The following PSMA5 variants were observed in gnomAD, a reference collection of about 807,000 sequenced individuals.
The protein encoded by PSMA5 is proteasome subunit alpha type-5.
PSMA5 carries 3 observed loss-of-function variants against 34.5 expected under a neutral mutation model. The observed-to-expected ratio is 0.09, with a 90% CI of 0.04 to 0.22. The LOEUF is 0.22. PSMA5 is among the 10% of genes least tolerant of loss of function. The pLI is 1.00. For synonymous variants in PSMA5, 88 were observed against 95.8 expected (o/e 0.92, Z 0.47); for missense variants, 120 against 286.1 (o/e 0.42, Z 4.19).
chr1:109,408,694 G>T, intron 8 of PSMA5, among the ~76,000 whole-genome samples: 1 of 150,030 alleles, frequency 6.7e-6, no homozygotes, highest in Non-Finnish European at 1.5e-5. Context: ...ATTTCTTTCA[G>T]CTTTTTTTTT....
chr1:109,418,638 A>G (rs1285988270), intron 2 of PSMA5, among the ~76,000 whole-genome samples: 1 of 152,022 alleles, frequency 6.6e-6, no homozygotes, highest in African/African-American at 2.4e-5. Flanking sequence ...TTTTCTAGAC[A>G]CGGGCTATGT....
chr1:109,407,176 A>G (rs1653801623), intron 8 of PSMA5, among the ~76,000 whole-genome samples: 1 of 152,056 alleles, frequency 6.6e-6, no homozygotes, highest in South Asian at 2.1e-4. Context: ...TTTAGTAGAG[A>G]AGGGGTTTCA....
intron 1 of PSMA5, 101 bp from the exon 2 acceptor site, chr1:109,422,027 C>T (rs770465951): frequency 4.0e-5 from 26 of 648,938 alleles, no homozygotes; most frequent in East Asian, 1.0e-4. Flanking sequence ...CTACAGAATA[C>T]GCACATTGTC....
At chr1:109,413,264 C>A in intron 3 of PSMA5, 129 bp from the exon 4 acceptor site, 1 of 772,446 alleles carries the variant, frequency 1.3e-6, no homozygotes, top group Non-Finnish European at 2.2e-6. Context: ...ATTTTATACC[C>A]AAAAGATTAG....
intron 8 of PSMA5, among the ~76,000 whole-genome samples, chr1:109,406,074 T>C (rs1310457516): frequency 6.6e-6 from 1 of 152,162 alleles, no homozygotes; most frequent in Non-Finnish European, 1.5e-5. Context: ...TATGGGAAGA[T>C]GAAATGGTTT....
intron 2 of PSMA5, among the ~76,000 whole-genome samples, chr1:109,416,617 T>C (rs1654209579): frequency 1.3e-5 from 2 of 152,390 alleles, no homozygotes; most frequent in Non-Finnish European, 1.5e-5. Context: ...AATCTTTATG[T>C]ATAACTTGCT....
Position 109,411,016 on chromosome 1 carries a change from G to T in PSMA5, c.556C>A (p.His186Asn). Residue 186 changes from histidine to asparagine, a missense_variant, in exon 7 of 9, where the codon CAC becomes AAC. Transcript: ENST00000271308. ...TTGTGAGAATACTTAATTACCTTGT[G>T]GTAAACTTCTTGCAAGGAGCTCTGG... The part of the protein sequence containing the change: ...GAQSSLQEVY[H>N]KSMTLKEAIK... 1 of 1,606,854 alleles carries T rather than the reference G, an allele frequency of 6.2e-7. No individual in the cohort carries two copies. The highest frequency in any genetic ancestry group is 8.5e-7 in the Non-Finnish European group (1 of 1,174,048).
chr1:109,415,772 A>C (rs1227308851), intron 2 of PSMA5, among the ~76,000 whole-genome samples: 1 of 152,180 alleles, frequency 6.6e-6, no homozygotes, highest in Non-Finnish European at 1.5e-5. Context: ...GAAAGTAATA[A>C]AACTCTTAAT....
At position 109,401,722 on chromosome 1, in the gene PSMA5, G is replaced by A. The variant is rs997004986; in HGVS notation, c.*291C>T. 4 of 221,272 alleles carry A rather than the reference G, an allele frequency of 1.8e-5. No homozygotes were observed. The highest frequency in any genetic ancestry group is 9.2e-5 in the African/African-American group (4 of 43,342). 13.7% of individuals were successfully genotyped at this position (221,272 alleles called of 1,614,324 possible). On this transcript the variant is annotated 3_prime_UTR_variant, in exon 9 of 9. Coordinates refer to ENST00000271308, the MANE Select transcript of PSMA5 (RefSeq NM_002790.4). ...TCTCGCCTATAATCCTAGCACTTCA[G>A]GAGGCAGAGGCGGGAAGATCACTTG...
At chr1:109,419,704 C>A (rs1305360847) in intron 2 of PSMA5, among the ~76,000 whole-genome samples, 3 of 148,976 alleles carry the variant, frequency 2.0e-5, no homozygotes, top group South Asian at 2.1e-4. Context: ...GAGGCTGAGG[C>A]AGGAGAATTG....
rs1274765784 is a variant in PSMA5, at chr1:109,400,510, CAA to C, written c.*1501_*1502del. On this transcript the variant is annotated 3_prime_UTR_variant, in exon 9 of 9. Coordinates refer to ENST00000271308, the MANE Select transcript of PSMA5 (RefSeq NM_002790.4). ...TATTTTCTATTAGGATTTAATAAAA[CAA>C]AGTGATCTTTAGAGAAACAAATCTC... The C allele has an allele frequency of 6.6e-6, 1 of 152,142 alleles. No individual in the cohort carries two copies. The highest frequency in any genetic ancestry group is 2.4e-5 in the African/African-American group (1 of 41,438). 9.4% of individuals were successfully genotyped at this position (152,142 alleles called of 1,614,324 possible). A position where few individuals can be genotyped will look rare whatever the true frequency, so the allele number is the denominator to read the frequency against.
chr1:109,414,209 C>T (rs1023869072), intron 3 of PSMA5, among the ~76,000 whole-genome samples: 1 of 152,216 alleles, frequency 6.6e-6, no homozygotes, highest in South Asian at 2.1e-4. Flanking sequence ...GACTAGAATG[C>T]TCTCCCTTGC....
intron 8 of PSMA5, among the ~76,000 whole-genome samples, chr1:109,403,999 A>C: frequency 6.6e-6 from 1 of 152,204 alleles, no homozygotes; most frequent in East Asian, 1.9e-4. Context: ...GTTCCATTCC[A>C]AGGATATTTA....
At chr1:109,408,254 A>G (rs1653860808) in intron 8 of PSMA5, among the ~76,000 whole-genome samples, 1 of 152,178 alleles carries the variant, frequency 6.6e-6, no homozygotes, top group Non-Finnish European at 1.5e-5. Context: ...ACACCTCAGC[A>G]GTCAGACAAA....
At chr1:109,419,604 A>C (rs1654354346) in intron 2 of PSMA5, among the ~76,000 whole-genome samples, 1 of 152,016 alleles carries the variant, frequency 6.6e-6, no homozygotes, top group African/African-American at 2.4e-5. Flanking sequence ...GGAGTTCGAG[A>C]CCAGCCTGAC....
chr1:109,415,398 G>C, intron 2 of PSMA5, 35 bp from the exon 3 acceptor site: 1 of 1,591,436 alleles, frequency 6.3e-7, no homozygotes, highest in Non-Finnish European at 8.6e-7. Context: ...CCATATATAG[G>C]TCAAATAACT....
At chr1:109,417,201 TG>T (rs1244509524) in intron 2 of PSMA5, among the ~76,000 whole-genome samples, 2 of 152,218 alleles carry the variant, frequency 1.3e-5, no homozygotes, top group African/African-American at 4.8e-5. Flanking sequence ...AGTCTATTGA[TG>T]TAAGATTAAA....
intron 8 of PSMA5, among the ~76,000 whole-genome samples, chr1:109,408,218 G>T (rs185699320): frequency 1.3e-5 from 2 of 152,042 alleles, no homozygotes; most frequent in East Asian, 3.9e-4. Context: ...ATCCCTTACC[G>T]TCCCCCACCA....
Position 109,401,890 on chromosome 1 carries a change from C to T in PSMA5, c.*123G>A, listed in dbSNP as rs576219262. The stretch of plus-strand genomic sequence containing the variant: ...TTTATTTCAGAACTGCCTTTATGTA[C>T]AGACATCATTTAAAAAATGCACATA... On this transcript the variant is annotated 3_prime_UTR_variant, in exon 9 of 9. Transcript: ENST00000271308. 87 of 672,334 alleles carry T rather than the reference C, an allele frequency of 1.3e-4. No homozygotes were observed. In the African/African-American group the frequency reaches 1.5e-3, roughly 12 times the overall value. 41.6% of individuals were successfully genotyped at this position (672,334 alleles called of 1,614,324 possible). A position where few individuals can be genotyped will look rare whatever the true frequency, so the allele number is the denominator to read the frequency against.
Sources: allele counts gnomAD v4.1 joint callset (sites outside exome capture counted in the v4.1 genomes callset), GRCh38; gene constraint gnomAD v4.1.1; transcripts MANE v1.5; gene names NCBI Gene and HGNC (gene_info 2026-07-23, HGNC 2026-07-21).